ENTREP1: variants seen among roughly 807,000 people sequenced by gnomAD.
ENTREP1 encodes Friedreich ataxia region gene X123.
chr9:69,377,428 C>G, the ENTREP1 span: 1 of 1,614,030 alleles, frequency 6.2e-7, no homozygotes, highest in Non-Finnish European at 8.5e-7. Context: ...TGCTTGGTGG[C>G]CGCTGCCCTC....
chr9:69,332,491 C>T, the ENTREP1 span, among the ~76,000 whole-genome samples: 22 of 152,254 alleles, frequency 1.4e-4, no homozygotes, highest in African/African-American at 4.3e-4. Context: ...TTTAATATTG[C>T]GCAATAAACT....
the ENTREP1 span, chr9:69,371,217 G>A: frequency 2.4e-6 from 1 of 424,712 alleles, no homozygotes; most frequent in Non-Finnish European, 4.4e-6. Flanking sequence ...CTAGGGCTTA[G>A]TGTAATGTGT....
the ENTREP1 span, among the ~76,000 whole-genome samples, chr9:69,368,399 A>T: frequency 6.6e-6 from 1 of 151,904 alleles, no homozygotes; most frequent in Non-Finnish European, 1.5e-5. Flanking sequence ...AGGGATGTTA[A>T]ATTTGATGAT....
the ENTREP1 span, among the ~76,000 whole-genome samples, chr9:69,347,637 G>A: frequency 6.6e-6 from 1 of 152,310 alleles, no homozygotes; most frequent in East Asian, 1.9e-4. Context: ...GAGTTGTTTT[G>A]TGACTTGAAG....
chr9:69,385,958 TC>T, the ENTREP1 span: 1 of 1,593,024 alleles, frequency 6.3e-7, no homozygotes, highest in Non-Finnish European at 8.5e-7. Context: ...GTGATGTCAT[TC>T]CCCAAGCTCT....
the ENTREP1 span, chr9:69,375,822 C>T: frequency 6.2e-7 from 1 of 1,614,104 alleles, no homozygotes; most frequent in Non-Finnish European, 8.5e-7. Flanking sequence ...CCTTGAAACT[C>T]TTTCCGGTTC....
the ENTREP1 span, chr9:69,382,925 C>A: frequency 4.6e-5 from 32 of 701,870 alleles, no homozygotes; most frequent in Non-Finnish European, 5.1e-5. Context: ...GGTGTTCTGG[C>A]TTTTATATGT....
chr9:69,330,354 GGTT>G, the ENTREP1 span, among the ~76,000 whole-genome samples: 2 of 152,258 alleles, frequency 1.3e-5, no homozygotes, highest in Admixed American at 6.5e-5. Flanking sequence ...GTAGAGAATT[GGTT>G]GTTGTTTTTT....
chr9:69,352,085 T>C, the ENTREP1 span, among the ~76,000 whole-genome samples: 1 of 152,142 alleles, frequency 6.6e-6, no homozygotes, highest in South Asian at 2.1e-4. Flanking sequence ...GTGATTCTGA[T>C]TGACATCTAG....
the ENTREP1 span, among the ~76,000 whole-genome samples, chr9:69,390,856 G>A: frequency 6.6e-6 from 1 of 152,094 alleles, no homozygotes; most frequent in Non-Finnish European, 1.5e-5. Flanking sequence ...GTCCAGGCTG[G>A]TCTAGAACTC....
chr9:69,327,803 A>G, the ENTREP1 span, among the ~76,000 whole-genome samples: 2 of 152,330 alleles, frequency 1.3e-5, no homozygotes, highest in South Asian at 4.1e-4. Flanking sequence ...CATACTCTCC[A>G]AACACAGGTC....
the ENTREP1 span, among the ~76,000 whole-genome samples, chr9:69,390,983 T>C: frequency 1.3e-5 from 2 of 148,726 alleles, no homozygotes; most frequent in Non-Finnish European, 3.0e-5. Flanking sequence ...GGAGTCTCAC[T>C]ATGTTACTCA....
At chr9:69,328,400 T>G in the ENTREP1 span, among the ~76,000 whole-genome samples, 24 of 152,196 alleles carry the variant, frequency 1.6e-4, no homozygotes, top group African/African-American at 5.1e-4. Context: ...TTTTAAATCT[T>G]TTATTATAAA....
chr9:69,334,194 C>A, the ENTREP1 span, among the ~76,000 whole-genome samples: 1 of 152,308 alleles, frequency 6.6e-6, no homozygotes, highest in South Asian at 2.1e-4. Context: ...GAGTCACACA[C>A]GCCCTGCCCT....
At chr9:69,327,508 T>A in the ENTREP1 span, among the ~76,000 whole-genome samples, 1 of 152,232 alleles carries the variant, frequency 6.6e-6, no homozygotes, top group Non-Finnish European at 1.5e-5. Flanking sequence ...TCTTAAAAAC[T>A]ATTTTTTGTC....
the ENTREP1 span, among the ~76,000 whole-genome samples, chr9:69,360,682 T>A: frequency 5.3e-5 from 8 of 152,166 alleles, no homozygotes; most frequent in African/African-American, 1.9e-4. Context: ...TGGACTGGCT[T>A]CCCAGTAGGC....
At chr9:69,356,739 T>C in the ENTREP1 span, among the ~76,000 whole-genome samples, 3 of 152,286 alleles carry the variant, frequency 2.0e-5, no homozygotes, top group South Asian at 6.2e-4. Flanking sequence ...GCATAGCAGA[T>C]CTGGTTCCTG....
At chr9:69,347,287 G>A in the ENTREP1 span, among the ~76,000 whole-genome samples, 2 of 152,340 alleles carry the variant, frequency 1.3e-5, no homozygotes, top group Non-Finnish European at 2.9e-5. Flanking sequence ...TCTCTGAGGA[G>A]CCAATGGAAG....
chr9:69,325,886 G>A, the ENTREP1 span, among the ~76,000 whole-genome samples: 1 of 152,284 alleles, frequency 6.6e-6, no homozygotes, highest in African/African-American at 2.4e-5. Context: ...CGCGACGGTC[G>A]AGTTCAGGGG....
Sources: gnomAD v4.1 joint callset for allele counts (sites outside exome capture counted in the v4.1 genomes callset) on GRCh38, gnomAD v4.1.1 for gene constraint, MANE v1.5 for transcripts, NCBI Gene and HGNC (gene_info 2026-07-23, HGNC 2026-07-21) for gene names.